The following GPC6 variants were observed in gnomAD, a reference collection of about 807,000 sequenced individuals.
GPC6 encodes the protein glypican 6, also known as glypican-6.
GPC6 carries 14 observed loss-of-function variants against 55.2 expected under a neutral mutation model. The ratio of observed to expected loss-of-function variants is 0.25; its 90% CI spans 0.17 to 0.40. The LOEUF is 0.40. GPC6 is among the 10% of genes least tolerant of loss of function. The pLI, the probability that GPC6 is intolerant of heterozygous loss-of-function variation, is 1.00. For missense variants in GPC6, 641 were observed against 708.5 expected (o/e 0.90, Z 1.08); for synonymous variants, 278 against 259.6 (o/e 1.07, Z -0.68).
intron 1 of GPC6, among the ~76,000 whole-genome samples, chr13:93,313,581 T>G (rs2139111950): frequency 6.6e-6 from 1 of 152,288 alleles, no homozygotes; most frequent in South Asian, 2.1e-4. Context: ...TCCTATCCAC[T>G]CCGGTGTAAC....
Position 94,069,432 on chromosome 13 carries a change from C to T in GPC6, c.877+41538C>T, listed in dbSNP as rs188823494. On this transcript the variant is annotated intron_variant, in intron 4 of 8. Transcript: ENST00000377047. ...CTCTGACATACCCTAGAGATATTTT[C>T]CCTATTGTCTTGGTGATTAACATTC... is the stretch of plus-strand genomic sequence containing the variant. Among the ~76,000 whole-genome samples, 13 of 152,224 alleles carry T rather than the reference C, an allele frequency of 8.5e-5. No homozygotes were observed. The East Asian group carries it at 2.5e-3, about 29-fold the overall frequency.
rs199646790 is a variant in GPC6 at position 93,676,242 on chromosome 13, T to TAC, written c.319+130827_319+130828dup. 2.1e-3 allele frequency among the ~76,000 whole-genome samples: 313 copies of TAC among 148,516 alleles called. 7 individuals are homozygous for TAC. In the East Asian group the frequency reaches 0.053, roughly 25 times the overall value. ...ATATATACATGTATATGTATATATATACACACATATATATACACACAAAAG... is the reference window on the plus strand; with the variant it reads ...ATATATACATGTATATGTATATATATACACACACATATATATACACACAAAAG... On this transcript the variant is annotated intron_variant, in intron 2 of 8. Coordinates refer to ENST00000377047, the MANE Select transcript of GPC6 (RefSeq NM_005708.5).
intron 6 of GPC6, among the ~76,000 whole-genome samples, chr13:94,363,833 A>G (rs1484362903): frequency 6.6e-6 from 1 of 152,224 alleles, no homozygotes; most frequent in Non-Finnish European, 1.5e-5. Context: ...CTATTGAGCA[A>G]TGGAGATGTC....
chr13:93,656,608 A>G (rs1880679075), intron 2 of GPC6, among the ~76,000 whole-genome samples: 1 of 152,106 alleles, frequency 6.6e-6, no homozygotes, highest in Non-Finnish European at 1.5e-5. Context: ...TACAAATCAC[A>G]TTGACTTACT....
intron 3 of GPC6, among the ~76,000 whole-genome samples, chr13:93,880,255 C>G (rs9301915): frequency 0.66 from 98,802 of 149,998 alleles, 33,065 homozygotes; most frequent in East Asian, 0.81. Context: ...GCTATAAAGA[C>G]ACATGCACAC....
At chr13:93,946,664 C>T (rs989908957) in intron 3 of GPC6, among the ~76,000 whole-genome samples, 4 of 152,172 alleles carry the variant, frequency 2.6e-5, no homozygotes, top group African/African-American at 9.7e-5. Flanking sequence ...AAGGCCTCAT[C>T]TATTTTCCTA....
chr13:94,286,272 T>C lies in GPC6; in HGVS notation c.878-77T>C, dbSNP rs1892526726. ...GCACCATTATTTTTCATCCAGTTGTTTTAACAATGTTTAAACACAGGTTGG... is the reference window on the plus strand; with the variant it reads ...GCACCATTATTTTTCATCCAGTTGTCTTAACAATGTTTAAACACAGGTTGG... On this transcript the variant is annotated intron_variant, in intron 4 of 8. Coordinates refer to ENST00000377047, the MANE Select transcript of GPC6 (RefSeq NM_005708.5). The C allele has an allele frequency of 5.3e-6, 8 of 1,498,034 alleles. No homozygotes were observed. The Admixed American group carries it at 1.2e-4, about 22-fold the overall frequency. The allele number at this position is 1,498,034 out of a possible 1,614,324, so 92.8% of individuals were successfully genotyped here.
intron 1 of GPC6, among the ~76,000 whole-genome samples, chr13:93,518,310 T>C (rs1566400750): frequency 6.6e-6 from 1 of 151,896 alleles, no homozygotes; most frequent in Non-Finnish European, 1.5e-5. Context: ...TACATTCAAA[T>C]GTAAACCTAT....
chr13:94,217,866 AG>A (rs34350648), intron 4 of GPC6, among the ~76,000 whole-genome samples: 1 of 152,022 alleles, frequency 6.6e-6, no homozygotes, highest in African/African-American at 2.4e-5. Context: ...TATCTGTATA[AG>A]GGACATGATA....
chr13:93,924,380 C>A (rs1482315770), intron 3 of GPC6, among the ~76,000 whole-genome samples: 5 of 152,218 alleles, frequency 3.3e-5, no homozygotes, highest in African/African-American at 1.2e-4. Flanking sequence ...TCTGCGTTTT[C>A]TCCTCCATCA....
intron 3 of GPC6, among the ~76,000 whole-genome samples, chr13:93,986,454 T>C (rs192959357): frequency 2.6e-5 from 4 of 152,272 alleles, no homozygotes; most frequent in African/African-American, 4.8e-5. Flanking sequence ...AGGGTTGTTA[T>C]GCAGAAGATA....
chr13:94,116,365 G>T (rs563082712), intron 4 of GPC6, among the ~76,000 whole-genome samples: 1 of 152,076 alleles, frequency 6.6e-6, no homozygotes, highest in South Asian at 2.1e-4. Flanking sequence ...AAGAACCAGA[G>T]AAAATTAAAA....
At chr13:93,894,773 A>G (rs919586697) in intron 3 of GPC6, among the ~76,000 whole-genome samples, 1 of 152,210 alleles carries the variant, frequency 6.6e-6, no homozygotes, top group African/African-American at 2.4e-5. Flanking sequence ...AAGGTCACCA[A>G]TTTATATTAA....
At chr13:94,117,157 A>T (rs1886464337) in intron 4 of GPC6, among the ~76,000 whole-genome samples, 1 of 152,104 alleles carries the variant, frequency 6.6e-6, no homozygotes, top group Admixed American at 6.6e-5. Flanking sequence ...TCTGCCTAAT[A>T]ATAAGACTGC....
chr13:94,169,925 G>A (rs1300654411), intron 4 of GPC6, among the ~76,000 whole-genome samples: 2 of 152,162 alleles, frequency 1.3e-5, no homozygotes, highest in South Asian at 2.1e-4. Context: ...AGAGTGAAGG[G>A]AAGTTGGATG....
chr13:93,980,567 G>A (rs9524298), intron 3 of GPC6, among the ~76,000 whole-genome samples: 25,530 of 152,122 alleles, frequency 0.17, 2,240 homozygotes, highest in East Asian at 0.27. Flanking sequence ...ATAAGCAGGT[G>A]CTTTCGATTC....
chr13:94,342,023 T>C (rs28378852), intron 6 of GPC6, among the ~76,000 whole-genome samples: 12,984 of 152,304 alleles, frequency 0.085, 620 homozygotes, highest in African/African-American at 0.11. Context: ...ATCACTGCAT[T>C]GGAATCACTC....
At chr13:93,429,390 C>A (rs1462430655) in intron 1 of GPC6, among the ~76,000 whole-genome samples, 1 of 152,090 alleles carries the variant, frequency 6.6e-6, no homozygotes, top group Non-Finnish European at 1.5e-5. Context: ...ACTTGGCATT[C>A]GTAGCTCTAT....
chr13:94,294,044 T>C (rs1594140047), intron 5 of GPC6, among the ~76,000 whole-genome samples: 1 of 152,202 alleles, frequency 6.6e-6, no homozygotes, highest in South Asian at 2.1e-4. Context: ...ATTATTCCAC[T>C]ATCTTCCACA....
Sources: allele counts gnomAD v4.1 joint callset (sites outside exome capture counted in the v4.1 genomes callset), GRCh38; gene constraint gnomAD v4.1.1; transcripts MANE v1.5; gene names NCBI Gene and HGNC (gene_info 2026-07-23, HGNC 2026-07-21).